ROPN1: variants seen among roughly 807,000 people sequenced by gnomAD.
ROPN1 encodes ropporin-1A.
A neutral mutation model predicts 20.5 loss-of-function variants in ROPN1; 14 were observed. The observed-to-expected ratio is 0.68, with a 90% CI of 0.45 to 1.07. ROPN1 has a LOEUF of 1.07. ROPN1 is among the 50% of genes least tolerant of loss of function. ROPN1 has a pLI of 0.00. For missense variants in ROPN1, 169 were observed against 242.8 expected, an observed-to-expected ratio of 0.70 and a Z score of 2.02; for synonymous variants, 76 against 95.7, an observed-to-expected ratio of 0.79 and a Z score of 1.20.
At chr3:123,976,563 C>G (rs1415731226) in intron 3 of ROPN1, among the ~76,000 whole-genome samples, 1 of 152,190 alleles carries the variant, frequency 6.6e-6, no homozygotes, top group Non-Finnish European at 1.5e-5. Context: ...GAGACACTGT[C>G]CAGTGACTGA....
chr3:123,977,603 G>T (rs1202864840), intron 2 of ROPN1, among the ~76,000 whole-genome samples: 1 of 152,202 alleles, frequency 6.6e-6, no homozygotes, highest in African/African-American at 2.4e-5. Flanking sequence ...ATCAGGAAGG[G>T]TTTCTGGCTG....
chr3:123,971,290 C>A (rs2037911152), intron 4 of ROPN1, among the ~76,000 whole-genome samples: 2 of 152,164 alleles, frequency 1.3e-5, no homozygotes, highest in African/African-American at 4.8e-5. Context: ...TCAGGAGGTA[C>A]TGAGGATGTG....
chr3:123,988,652 T>C (rs1376712643), intron 1 of ROPN1, among the ~76,000 whole-genome samples: 2 of 152,174 alleles, frequency 1.3e-5, no homozygotes, highest in Non-Finnish European at 2.9e-5. Flanking sequence ...GAAGAAGCAC[T>C]CTTGACTGTG....
At chr3:123,985,476 C>T (rs2038231742) in intron 1 of ROPN1, among the ~76,000 whole-genome samples, 1 of 152,184 alleles carries the variant, frequency 6.6e-6, no homozygotes, top group African/African-American at 2.4e-5. Flanking sequence ...CCATCATCAT[C>T]ATCATTTGTC....
chr3:123,986,989 A>G (rs2038275264), intron 1 of ROPN1, among the ~76,000 whole-genome samples: 1 of 152,230 alleles, frequency 6.6e-6, no homozygotes. Context: ...TCTGATGAAC[A>G]AGACCGCCCT....
At chr3:123,990,506 A>T (rs931082745) in intron 1 of ROPN1, among the ~76,000 whole-genome samples, 2 of 152,224 alleles carry the variant, frequency 1.3e-5, no homozygotes, top group African/African-American at 4.8e-5. Flanking sequence ...CTTTTGAATC[A>T]CAGAGTTGAA....
At chr3:123,987,285 T>C (rs894936547) in intron 1 of ROPN1, among the ~76,000 whole-genome samples, 2 of 152,226 alleles carry the variant, frequency 1.3e-5, no homozygotes, top group Non-Finnish European at 2.9e-5. Flanking sequence ...CCCAGAGCTG[T>C]TGTGGTTCAA....
intron 4 of ROPN1, 133 bp downstream of exon 4, chr3:123,975,246 G>T: frequency 7.5e-7 from 1 of 1,339,534 alleles, no homozygotes; most frequent in Non-Finnish European, 1.0e-6. Context: ...CTTTAGAGAG[G>T]AGAAGGACAA....
At chr3:123,984,509 A>G (rs994143213) in intron 1 of ROPN1, among the ~76,000 whole-genome samples, 7 of 152,026 alleles carry the variant, frequency 4.6e-5, no homozygotes, top group Non-Finnish European at 8.8e-5. Context: ...CTTATCACCT[A>G]TTGTGCAGCC....
chr3:123,976,755 G>A, intron 3 of ROPN1, 109 bp downstream of exon 3: 3 of 1,001,906 alleles, frequency 3.0e-6, no homozygotes, highest in Non-Finnish European at 4.5e-6. Flanking sequence ...TTTTAGGGTG[G>A]TGCTAAGTGG....
chr3:123,977,368 C>G (rs1307603862), intron 2 of ROPN1, among the ~76,000 whole-genome samples: 1 of 152,068 alleles, frequency 6.6e-6, no homozygotes, highest in Admixed American at 6.6e-5. Context: ...TGGAAGAGAA[C>G]TAAAAAGTAA....
rs553376353 is a variant in ROPN1 at position 123,985,789 on chromosome 3, C to T, written c.-12-5296G>A. On this transcript the variant is annotated intron_variant, in intron 1 of 5. Transcript: ENST00000405845. ...CAACACTTTGGGAGGCTGAGGTGGGCGGATCACTTGAGCTCAGTTCAAGAC... is the reference window on the plus strand; with the variant it reads ...CAACACTTTGGGAGGCTGAGGTGGGTGGATCACTTGAGCTCAGTTCAAGAC... Among the ~76,000 whole-genome samples the T allele has an allele frequency of 5.9e-5, 9 of 151,694 alleles. No individual in the cohort carries two copies. The East Asian group carries it at 9.7e-4, about 16-fold the overall frequency.
At chr3:123,977,800 GT>G (rs1355811437) in intron 2 of ROPN1, among the ~76,000 whole-genome samples, 2 of 152,220 alleles carry the variant, frequency 1.3e-5, no homozygotes, top group Non-Finnish European at 2.9e-5. Context: ...GCTCCTCAAT[GT>G]TTTGTGGAGT....
At chr3:123,989,191 G>T (rs770759983) in intron 1 of ROPN1, among the ~76,000 whole-genome samples, 1 of 152,182 alleles carries the variant, frequency 6.6e-6, no homozygotes, top group Admixed American at 6.5e-5. Flanking sequence ...AACGTGACAA[G>T]TTCAGGGAAC....
chr3:123,989,191 G>A (rs770759983), intron 1 of ROPN1, among the ~76,000 whole-genome samples: 3 of 152,182 alleles, frequency 2.0e-5, no homozygotes, highest in Non-Finnish European at 2.9e-5. Context: ...AACGTGACAA[G>A]TTCAGGGAAC....
intron 1 of ROPN1, among the ~76,000 whole-genome samples, chr3:123,986,521 G>C (rs1031547195): frequency 6.6e-6 from 1 of 152,098 alleles, no homozygotes; most frequent in African/African-American, 2.4e-5. Flanking sequence ...CCTGCAAGCA[G>C]GGGTGGTTGC....
At chr3:123,973,409 G>C (rs2037952476) in intron 4 of ROPN1, among the ~76,000 whole-genome samples, 1 of 152,186 alleles carries the variant, frequency 6.6e-6, no homozygotes, top group Non-Finnish European at 1.5e-5. Flanking sequence ...AGGTGGGCCT[G>C]AGGGTGTCTC....
chr3:123,970,099 T>A lies in ROPN1; in HGVS notation c.515A>T (p.Asp172Val), dbSNP rs1307015320. The change falls in exon 5 of 6, where the codon GAT becomes GTT. Residue 172 changes from aspartate to valine, a missense_variant. By Grantham distance (152) the Asp-to-Val change is radical. Coordinates refer to ENST00000405845, the MANE Select transcript of ROPN1 (RefSeq NM_001317774.2). ...QFLYTYIAKV[D>V]GEISASHVSR... The stretch of plus-strand genomic sequence containing the variant: ...GACATGTGATGCAGAGATCTCCCCA[T>A]CCACTTTGGCAATATACGTGTAGAG... The A allele has an allele frequency of 6.2e-7, 1 of 1,614,164 alleles. No individual in the cohort carries two copies. Among genetic ancestry groups the A allele is most frequent in the South Asian group, 1.1e-5 (1 of 91,076 alleles).
intron 4 of ROPN1, among the ~76,000 whole-genome samples, chr3:123,970,848 A>AT (rs1577361308): frequency 6.6e-6 from 1 of 152,214 alleles, no homozygotes; most frequent in African/African-American, 2.4e-5. Flanking sequence ...TTGGTTGACA[A>AT]TGAGTGCCAG....
Sources: allele counts gnomAD v4.1 joint callset (sites outside exome capture counted in the v4.1 genomes callset), GRCh38; gene constraint gnomAD v4.1.1; transcripts MANE v1.5; gene names NCBI Gene and HGNC (gene_info 2026-07-23, HGNC 2026-07-21).